The following XIRP2 variants were observed in gnomAD, a reference collection of about 807,000 sequenced individuals.
XIRP2 encodes the protein xin actin-binding repeat-containing protein 2.
Under a neutral mutation model 277.0 loss-of-function variants are expected in XIRP2, and 236 were observed. The ratio of observed to expected loss-of-function variants is 0.85; its 90% CI spans 0.77 to 0.95. The LOEUF (loss-of-function observed/expected upper bound fraction) is 0.95, where lower values mean the gene tolerates loss of function less well. Among genes scored for constraint, XIRP2 ranks in the 40% least tolerant of loss-of-function variants. XIRP2 has a pLI of 0.00. For missense variants in XIRP2, 4,640 were observed against 4,157.5 expected (o/e 1.12, Z -3.19); for synonymous variants, 1,490 against 1,416.5 (o/e 1.05, Z -1.17).
chr2:167,123,380 A>G (rs915252147), intron 2 of XIRP2, among the ~76,000 whole-genome samples: 1 of 152,362 alleles, frequency 6.6e-6, no homozygotes, highest in Admixed American at 6.5e-5. Flanking sequence ...TTTAATAGAT[A>G]TATAAATGCC....
chr2:167,248,051 C>T lies in XIRP2; in HGVS notation c.6659C>T (p.Ser2220Phe), dbSNP rs1378068122. 1 of 1,613,550 alleles carries T rather than the reference C, an allele frequency of 6.2e-7. No homozygotes were observed. Among genetic ancestry groups the T allele is most frequent in the Non-Finnish European group, 8.5e-7 (1 of 1,179,718 alleles). ...CTTTTGCCTGTAGAGCAAGACACAT[C>T]CAATGTAACAGAAATGAAAGTCTCT... ...WQLLPVEQDT[S>F]NVTEMKVSEK... The change falls in exon 9 of 11, where the codon TCC becomes TTC. Residue 2220 changes from serine to phenylalanine, a missense_variant. Physicochemically the swap from Ser to Phe is radical, Grantham distance 155. Transcript: ENST00000409195.
rs1695737831 is a variant in XIRP2 at position 167,258,605 on chromosome 2, CA to C, written c.*789del. On this transcript the variant is annotated 3_prime_UTR_variant, in exon 11 of 11. Coordinates refer to ENST00000409195, the MANE Select transcript of XIRP2 (RefSeq NM_152381.6). Reference sequence around the variant, plus strand: ...CCAAACTAATGGTGCAGAAGTTTTACAGGTTACTAACACTGATGATGAGATG... The same window carrying C: ...CCAAACTAATGGTGCAGAAGTTTTACGGTTACTAACACTGATGATGAGATG... 1 of 1,612,852 alleles carries C rather than the reference CA, an allele frequency of 6.2e-7. No individual in the cohort carries two copies. Among genetic ancestry groups the C allele is most frequent in the Admixed American group, 1.7e-5 (1 of 59,806 alleles).
chr2:166,915,299 C>CA (rs993808427), intron 2 of XIRP2, among the ~76,000 whole-genome samples: 1,973 of 38,844 alleles, frequency 0.051, 69 homozygotes, highest in African/African-American at 0.097. Context: ...GACTCCGTCT[C>CA]AAAAAAAAAA....
At chr2:166,911,667 T>G (rs987948840) in intron 2 of XIRP2, among the ~76,000 whole-genome samples, 3 of 152,346 alleles carry the variant, frequency 2.0e-5, no homozygotes, top group Non-Finnish European at 4.4e-5. Flanking sequence ...GTTAGCTGGT[T>G]ATTTTGCTCA....
At chr2:167,077,745 T>C (rs898166003) in intron 2 of XIRP2, among the ~76,000 whole-genome samples, 1 of 152,146 alleles carries the variant, frequency 6.6e-6, no homozygotes, top group Non-Finnish European at 1.5e-5. Flanking sequence ...AAAAGACCTA[T>C]GGGCCATGTT....
intron 3 of XIRP2, among the ~76,000 whole-genome samples, chr2:167,193,610 C>A (rs904082341): frequency 6.6e-6 from 1 of 152,000 alleles, no homozygotes; most frequent in African/African-American, 2.4e-5. Context: ...GGGCATGGTG[C>A]CTCACACCTG....
chr2:167,136,164 G>A lies in XIRP2; in HGVS notation c.562+102G>A, dbSNP rs1691545562. ...AGGGGTTTGTTTAAAAATTAGTAAG[G>A]AAAATAATGACTGCATATAGTTTAG... is the stretch of plus-strand genomic sequence containing the variant. On this transcript the variant is annotated intron_variant, in intron 3 of 10. Coordinates refer to ENST00000409195, the MANE Select transcript of XIRP2 (RefSeq NM_152381.6). 2.5e-6 allele frequency: 3 copies of A among 1,195,690 alleles called. No individual in the cohort carries two copies. In the South Asian group the frequency reaches 6.8e-5, roughly 27 times the overall value. 74.1% of individuals were successfully genotyped at this position (1,195,690 alleles called of 1,614,324 possible). A position where few individuals can be genotyped will look rare whatever the true frequency, so the allele number is the denominator to read the frequency against.
intron 2 of XIRP2, among the ~76,000 whole-genome samples, chr2:166,998,355 C>T (rs1338840401): frequency 2.0e-5 from 3 of 152,108 alleles, no homozygotes; most frequent in East Asian, 1.9e-4. Context: ...AACCAAAACT[C>T]GGCCAGGAGC....
chr2:167,021,837 T>C (rs1005852881), intron 2 of XIRP2, among the ~76,000 whole-genome samples: 1 of 151,992 alleles, frequency 6.6e-6, no homozygotes, highest in Admixed American at 6.6e-5. Flanking sequence ...AAATAAAATT[T>C]TTTTAAAAAT....
chr2:167,178,182 A>T (rs2105354721), intron 3 of XIRP2, among the ~76,000 whole-genome samples: 1 of 152,232 alleles, frequency 6.6e-6, no homozygotes, highest in African/African-American at 2.4e-5. Context: ...GTATACAGAG[A>T]ACATTTCAGG....
intron 2 of XIRP2, among the ~76,000 whole-genome samples, chr2:166,915,299 CAAA>C (rs993808427): frequency 5.0e-5 from 2 of 40,132 alleles, no homozygotes; most frequent in African/African-American, 9.4e-5. Context: ...GACTCCGTCT[CAAA>C]AAAAAAAAAA....
chr2:166,980,914 A>G (rs965150637), intron 2 of XIRP2, among the ~76,000 whole-genome samples: 1 of 151,954 alleles, frequency 6.6e-6, no homozygotes, highest in Non-Finnish European at 1.5e-5. Flanking sequence ...CATTTTTTCA[A>G]ATGTTTAGCA....
In XIRP2 at chr2:166,921,537, G is replaced by A. The variant is rs149118398; in HGVS notation, c.408+17647G>A. On this transcript the variant is annotated intron_variant, in intron 2 of 10. Transcript: ENST00000409195. ...AAATACCCCTTTCATTCTCCAAAGT[G>A]TCTGGATGATAAATTATTTCATCAC... 1.2e-3 allele frequency among the ~76,000 whole-genome samples: 177 copies of A among 152,160 alleles called. 1 individual carries two copies. Among genetic ancestry groups the A allele is most frequent in the African/African-American group, 4.2e-3 (173 of 41,524 alleles).
chr2:167,212,889 A>ACACCCCCCCC (rs1694095998), intron 4 of XIRP2, among the ~76,000 whole-genome samples: 1 of 72,634 alleles, frequency 1.4e-5, no homozygotes. Flanking sequence ...TGTTCAAGCC[A>ACACCCCCCCC]CCCCCCCACC....
chr2:167,056,638 T>C (rs533559926), intron 2 of XIRP2, among the ~76,000 whole-genome samples: 9 of 152,176 alleles, frequency 5.9e-5, no homozygotes, highest in Non-Finnish European at 1.0e-4. Flanking sequence ...TTGTTTAACA[T>C]TGCTGAGTGT....
intron 2 of XIRP2, among the ~76,000 whole-genome samples, chr2:167,109,690 T>C (rs1011500641): frequency 6.6e-5 from 10 of 152,206 alleles, no homozygotes; most frequent in African/African-American, 1.9e-4. Flanking sequence ...TGTGTCTTTG[T>C]GGTAGAACAA....
chr2:167,168,010 T>C (rs190668470), intron 3 of XIRP2, among the ~76,000 whole-genome samples: 11 of 152,260 alleles, frequency 7.2e-5, no homozygotes, highest in South Asian at 2.1e-4. Flanking sequence ...ATAATTCTAG[T>C]TGGTGGTATT....
intron 8 of XIRP2, 28 bp downstream of exon 8, chr2:167,241,938 T>C: frequency 1.3e-6 from 2 of 1,598,742 alleles, no homozygotes; most frequent in Admixed American, 1.8e-5. Flanking sequence ...CACAGAAACA[T>C]ACTAAGTGTA....
rs879666201 is a variant in XIRP2, at chr2:166,907,612, G to GTT, written c.408+3737_408+3738dup. Among the ~76,000 whole-genome samples the GTT allele has an allele frequency of 4.5e-3, 640 of 141,230 alleles. 5 individuals carry two copies. The highest frequency in any genetic ancestry group is 0.014 in the African/African-American group (552 of 38,928). The allele number at this position is 141,230 out of a possible 152,430, so 92.7% of individuals were successfully genotyped here. A position where few individuals can be genotyped will look rare whatever the true frequency, so the allele number is the denominator to read the frequency against. The stretch of plus-strand genomic sequence containing the variant: ...CCAGATGTATGGACAGGTCATAGAA[G>GTT]TTTTTTTTTTTTTTTTAATACTCTA... On this transcript the variant is annotated intron_variant, in intron 2 of 10. Coordinates refer to ENST00000409195, the MANE Select transcript of XIRP2 (RefSeq NM_152381.6).
Sources: gnomAD v4.1 joint callset for allele counts (sites outside exome capture counted in the v4.1 genomes callset) on GRCh38, gnomAD v4.1.1 for gene constraint, MANE v1.5 for transcripts, NCBI Gene and HGNC (gene_info 2026-07-23, HGNC 2026-07-21) for gene names.